PSD3: variants seen among roughly 807,000 people sequenced by gnomAD.
The protein encoded by PSD3 is pleckstrin and Sec7 domain containing 3.
A neutral mutation model predicts 105.5 loss-of-function variants in PSD3; 49 were observed. The observed-to-expected ratio is 0.46, with a 90% CI of 0.37 to 0.59. The LOEUF (loss-of-function observed/expected upper bound fraction) is 0.59, where lower values mean the gene tolerates loss of function less well. Ranked by LOEUF, PSD3 falls within the 20% of genes least tolerant of loss-of-function variation. The pLI, the probability that PSD3 is intolerant of heterozygous loss-of-function variation, is 0.00. For missense variants in PSD3, 1,561 were observed against 1,263.8 expected (o/e 1.24, Z -3.57); for synonymous variants, 557 against 457.8 (o/e 1.22, Z -2.77).
At position 18,905,022 on chromosome 8, in the gene PSD3, T is replaced by A. The variant is rs1819748779; in HGVS notation, c.130+31012A>T. Among the ~76,000 whole-genome samples the A allele has an allele frequency of 2.0e-5, 3 of 152,164 alleles. No homozygotes were observed. In the South Asian group the frequency reaches 6.2e-4, roughly 32 times the overall value. ...GGTTTTTCTTTTAAAATATAGCAAA[T>A]ACATACCATATTAAATTATAAGAAA... is the stretch of plus-strand genomic sequence containing the variant. On this transcript the variant is annotated intron_variant, in intron 2 of 15. Transcript: ENST00000327040.
chr8:19,061,190 A>C (rs956058371), intron 1 of PSD3, among the ~76,000 whole-genome samples: 4 of 152,198 alleles, frequency 2.6e-5, no homozygotes, highest in Non-Finnish European at 5.9e-5. Context: ...TGACTCCTTG[A>C]AAATAAGCAC....
chr8:18,573,088 A>G (rs1373504758), intron 13 of PSD3, among the ~76,000 whole-genome samples: 5 of 152,230 alleles, frequency 3.3e-5, no homozygotes, highest in Non-Finnish European at 5.9e-5. Context: ...ACTTTGGAAA[A>G]CAGCTGACAG....
intron 1 of PSD3, among the ~76,000 whole-genome samples, chr8:19,019,163 C>CA (rs1021250483): frequency 2.5e-4 from 37 of 151,010 alleles, no homozygotes; most frequent in Admixed American, 4.0e-4. Context: ...AAATGCCAAG[C>CA]AAAAAAAACA....
At position 18,935,988 on chromosome 8, in the gene PSD3, C is replaced by T; in HGVS notation, c.130+46G>A. ...GAGAAAAATCACTTTGAAATCACAG[C>T]TCTTCATATAGTTTACCTGGGAGAG... On this transcript the variant is annotated intron_variant, in intron 2 of 15. Transcript: ENST00000327040. The T allele has an allele frequency of 2.4e-6, 3 of 1,234,142 alleles. No individual in the cohort carries two copies. The South Asian group carries it at 3.8e-5, about 16-fold the overall frequency. The allele number at this position is 1,234,142 out of a possible 1,614,324, so 76.4% of individuals were successfully genotyped here.
At chr8:18,707,174 T>G (rs1230317695) in intron 9 of PSD3, among the ~76,000 whole-genome samples, 2 of 152,124 alleles carry the variant, frequency 1.3e-5, no homozygotes, top group South Asian at 4.1e-4. Flanking sequence ...CCTGTCCAAA[T>G]CCTACCCATC....
chr8:18,885,997 C>T (rs756865067), intron 2 of PSD3, among the ~76,000 whole-genome samples: 3 of 152,106 alleles, frequency 2.0e-5, no homozygotes, highest in Non-Finnish European at 4.4e-5. Context: ...CTAAGCTGTA[C>T]TTCAGGCACA....
intron 12 of PSD3, among the ~76,000 whole-genome samples, chr8:18,592,097 G>A (rs937206115): frequency 6.6e-6 from 1 of 151,998 alleles, no homozygotes; most frequent in African/African-American, 2.4e-5. Context: ...AGAAACAAAG[G>A]TATAAGAATT....
chr8:18,616,058 C>T (rs1199993400), intron 11 of PSD3, among the ~76,000 whole-genome samples: 1 of 152,216 alleles, frequency 6.6e-6, no homozygotes, highest in Non-Finnish European at 1.5e-5. Context: ...CCTAGGAGCT[C>T]CAAAAGTGAC....
intron 11 of PSD3, among the ~76,000 whole-genome samples, chr8:18,629,738 G>A (rs1806760471): frequency 2.0e-5 from 3 of 152,042 alleles, no homozygotes; most frequent in Middle Eastern, 3.4e-3. Context: ...CAAAAGTACA[G>A]TTAAACTTTT....
At chr8:19,079,453 A>T (rs1183249071) in intron 1 of PSD3, among the ~76,000 whole-genome samples, 1 of 152,170 alleles carries the variant, frequency 6.6e-6, no homozygotes, top group East Asian at 1.9e-4. Context: ...ATTCTAAATG[A>T]CTCACCAAGT....
chr8:18,560,213 C>T (rs202032779), intron 14 of PSD3, among the ~76,000 whole-genome samples: 1 of 145,784 alleles, frequency 6.9e-6, no homozygotes. Flanking sequence ...CACACACAAA[C>T]AAAAAAACAA....
chr8:18,632,526 A>G (rs1448287068), intron 11 of PSD3, 87 bp downstream of exon 11: 4 of 1,409,310 alleles, frequency 2.8e-6, no homozygotes, highest in East Asian at 2.3e-5. Context: ...TAATTTTTTC[A>G]TCCTTGACTT....
At chr8:18,942,743 G>C (rs1370986974) in intron 1 of PSD3, among the ~76,000 whole-genome samples, 1 of 152,146 alleles carries the variant, frequency 6.6e-6, no homozygotes, top group Non-Finnish European at 1.5e-5. Flanking sequence ...TTCCAACTTT[G>C]ATCTCGAATT....
intron 8 of PSD3, among the ~76,000 whole-genome samples, chr8:18,788,430 G>A (rs75399248): frequency 0.021 from 3,248 of 152,210 alleles, 155 homozygotes; most frequent in East Asian, 0.14. Flanking sequence ...CTGGCAATCT[G>A]GGGAATGTAA....
chr8:18,709,384 C>T (rs181902697), intron 9 of PSD3, among the ~76,000 whole-genome samples: 34 of 152,318 alleles, frequency 2.2e-4, no homozygotes, highest in East Asian at 1.9e-4. Context: ...CGGCCACTGT[C>T]TCTGGTTCAG....
At chr8:18,624,901 G>A (rs1030910487) in intron 11 of PSD3, among the ~76,000 whole-genome samples, 3 of 151,288 alleles carry the variant, frequency 2.0e-5, no homozygotes, top group South Asian at 2.1e-4. Context: ...ATGTATATAC[G>A]TATGCCTGTT....
intron 14 of PSD3, among the ~76,000 whole-genome samples, chr8:18,564,690 G>T (rs942532503): frequency 1.3e-5 from 2 of 151,816 alleles, no homozygotes; most frequent in African/African-American, 4.8e-5. Flanking sequence ...CAGAAACTGT[G>T]GAAATGGGTG....
At chr8:18,800,887 A>C (rs941919858) in intron 7 of PSD3, 2 of 153,978 alleles carry the variant, frequency 1.3e-5, no homozygotes, top group African/African-American at 4.8e-5. Context: ...AAGAAAACTG[A>C]AATTTCATTC....
chr8:18,903,117 C>T (rs529888761), intron 2 of PSD3, among the ~76,000 whole-genome samples: 100 of 152,286 alleles, frequency 6.6e-4, no homozygotes, highest in African/African-American at 2.2e-3. Context: ...CTCAGAGCTA[C>T]TCCCTAGCAG....
Sources: allele counts gnomAD v4.1 joint callset (sites outside exome capture counted in the v4.1 genomes callset), GRCh38; gene constraint gnomAD v4.1.1; transcripts MANE v1.5; gene names NCBI Gene and HGNC (gene_info 2026-07-23, HGNC 2026-07-21).